The following ANO7 variants were observed in gnomAD, a reference collection of about 807,000 sequenced individuals.
ANO7 encodes the protein anoctamin-7.
A neutral mutation model predicts 115.8 loss-of-function variants in ANO7; 114 were observed. That is an observed-to-expected ratio of 0.98 (90% CI 0.85 to 1.15). The LOEUF (loss-of-function observed/expected upper bound fraction) is 1.15. Among genes scored for constraint, ANO7 ranks in the 50% most tolerant of loss-of-function variants. The probability of loss-of-function intolerance (pLI) is 0.00; values close to 1 mark genes in which losing one functional copy is unlikely to be tolerated. For missense variants in ANO7, 1,302 were observed against 1,201.2 expected (o/e 1.08, Z -1.24); for synonymous variants, 550 against 498.2 (o/e 1.10, Z -1.38).
the ANO7 span, chr2:241,231,006 G>A: frequency 2.0e-6 from 3 of 1,468,168 alleles, no homozygotes; most frequent in Non-Finnish European, 2.8e-6. Context: ...TCAGGGGCAA[G>A]AGCCGGCCCC....
At chr2:241,224,065 T>C (rs1197284798) in intron 24 of ANO7, 32 bp from the exon 25 acceptor site, 1 of 1,613,592 alleles carries the variant, frequency 6.2e-7, no homozygotes, top group Non-Finnish European at 8.5e-7. Context: ...GGCCCTAGTC[T>C]GACTTGTCCC....
At chr2:241,210,167 G>A in intron 13 of ANO7, 128 bp from the exon 14 acceptor site, 1 of 866,260 alleles carries the variant, frequency 1.2e-6, no homozygotes, top group Admixed American at 1.9e-5. Flanking sequence ...CTGGAGGCAG[G>A]GGCCTTCCTA....
At chr2:241,193,314 C>T (rs1280092186) in intron 3 of ANO7, among the ~76,000 whole-genome samples, 3 of 152,140 alleles carry the variant, frequency 2.0e-5, no homozygotes, top group Non-Finnish European at 1.5e-5. Context: ...AGGTGATCCG[C>T]CCGCCTTGGC....
rs113393302 is a variant in ANO7, at chr2:241,209,021, C to T, written c.1078-264C>T. On this transcript the variant is annotated intron_variant, in intron 11 of 24. Transcript: ENST00000674324. ...AAATTTAGCCGGGCGTGGTGGCGGG[C>T]GCCTGTAGTCCCAGCTACTTGGGAG... Among the ~76,000 whole-genome samples the T allele has an allele frequency of 2.3e-3, 351 of 152,268 alleles. 1 individual carries two copies. Among genetic ancestry groups the T allele is most frequent in the Non-Finnish European group, 4.1e-3 (277 of 68,032 alleles).
At chr2:241,189,918 T>C (rs1423947053) in intron 1 of ANO7, 139 bp from the exon 2 acceptor site, 3 of 629,900 alleles carry the variant, frequency 4.8e-6, no homozygotes, top group Non-Finnish European at 2.7e-6. Context: ...CAGGAGAGTC[T>C]GCCGAGCCAG....
At chr2:241,195,191 G>A (rs980712753) in intron 3 of ANO7, among the ~76,000 whole-genome samples, 16 of 152,216 alleles carry the variant, frequency 1.1e-4, no homozygotes, top group Admixed American at 4.6e-4. Flanking sequence ...CCTCCCTGTC[G>A]TTTGGGAAAT....
intron 3 of ANO7, 47 bp downstream of exon 3, chr2:241,191,298 G>A: frequency 6.2e-7 from 1 of 1,607,930 alleles, no homozygotes; most frequent in Non-Finnish European, 8.5e-7. Context: ...GGTCCTGAGG[G>A]TGGGGACACC....
chr2:241,216,613 C>T (rs1025718453), intron 19 of ANO7, among the ~76,000 whole-genome samples: 2 of 152,348 alleles, frequency 1.3e-5, no homozygotes, highest in East Asian at 1.9e-4. Context: ...TGGGAGGCAG[C>T]GGCCTGGAGA....
chr2:241,220,928 G>A (rs921232272), intron 21 of ANO7, among the ~76,000 whole-genome samples: 7 of 151,352 alleles, frequency 4.6e-5, no homozygotes, highest in African/African-American at 7.3e-5. Flanking sequence ...CCGAGATGGC[G>A]CCACTGCACT....
At chr2:241,214,103 G>A (rs1269268927) in intron 17 of ANO7, among the ~76,000 whole-genome samples, 4 of 152,082 alleles carry the variant, frequency 2.6e-5, no homozygotes, top group Admixed American at 2.6e-4. Flanking sequence ...TGGCCAATAT[G>A]GTGAAATCCC....
At chr2:241,191,109 C>T (rs1342324655) in intron 2 of ANO7, 85 bp from the exon 3 acceptor site, 12 of 1,370,238 alleles carry the variant, frequency 8.8e-6, no homozygotes, top group Admixed American at 3.7e-5. Context: ...GAGGCGAGGA[C>T]GGCTTCAGGG....
the ANO7 span, chr2:241,235,033 G>C: frequency 6.7e-7 from 1 of 1,502,790 alleles, no homozygotes; most frequent in African/African-American, 1.4e-5. Flanking sequence ...TGGGATGCTG[G>C]GATCCTGAAG....
At chr2:241,216,057 G>A in intron 18 of ANO7, 36 bp from the exon 19 acceptor site, 1 of 1,576,440 alleles carries the variant, frequency 6.3e-7, no homozygotes, top group South Asian at 1.2e-5. Flanking sequence ...GACCCATGTT[G>A]GATCAAAGGC....
rs982549632 is a variant in ANO7 at position 241,188,889 on chromosome 2, C to T, written c.-8+123C>T. 2 of 1,305,358 alleles carry T rather than the reference C, an allele frequency of 1.5e-6. No individual in the cohort carries two copies. The highest frequency in any genetic ancestry group is 2.1e-6 in the Non-Finnish European group (2 of 967,580). 80.9% of individuals were successfully genotyped at this position (1,305,358 alleles called of 1,614,324 possible). ...CACCCTGGCCTGTGGGGAGGCAGTG[C>T]CAGGGCCCGCCCTGGTCCCCAAAGC... On this transcript the variant is annotated intron_variant, in intron 1 of 24. Transcript: ENST00000674324. The surrounding 1 kb of genome is among the most constrained non-coding windows in gnomAD (Gnocchi z 4.3).
intron 21 of ANO7, among the ~76,000 whole-genome samples, chr2:241,222,163 G>A (rs2149275386): frequency 6.6e-6 from 1 of 152,140 alleles, no homozygotes; most frequent in East Asian, 1.9e-4. Context: ...GAACCCAGGA[G>A]GCGGAGGTTG....
Position 241,212,572 on chromosome 2 carries a change from G to A in ANO7, c.1674G>A (p.Arg558=), listed in dbSNP as rs111624461. The change falls in exon 17 of 25, where the codon AGG becomes AGA. Residue 558 remains arginine (R), a splice_region_variant and synonymous_variant. Transcript: ENST00000674324. ...SPVYIAFFKG[R]FVGYPGNYHT... ...GCTCATGATCTTGACTTTCTCCTAG[G>A]TTTGTGGGATACCCAGGCAACTACC... 167 of 1,613,122 alleles carry A rather than the reference G, an allele frequency of 1.0e-4. 1 individual carries two copies. The African/African-American group carries it at 1.8e-3, about 18-fold the overall frequency.
At chr2:241,195,982 CA>C in intron 4 of ANO7, 137 bp downstream of exon 4, 1 of 1,556,236 alleles carries the variant, frequency 6.4e-7, no homozygotes, top group Non-Finnish European at 8.7e-7. Flanking sequence ...CTGGACCCCC[CA>C]GCCACCGTGA....
rs375270696 is a variant in ANO7 at position 241,199,440 on chromosome 2, G to A, written c.417+17G>A. 21 of 1,612,386 alleles carry A rather than the reference G, an allele frequency of 1.3e-5. No homozygotes were observed. In the African/African-American group the frequency reaches 2.7e-4, roughly 20 times the overall value. ...CCCTTGCAGGTACGTGGGAGGCATGGGGACAGGGTGGGCCTGGAGGTCCCG... is the reference window on the plus strand; with the variant it reads ...CCCTTGCAGGTACGTGGGAGGCATGAGGACAGGGTGGGCCTGGAGGTCCCG... On this transcript the variant is annotated intron_variant, in intron 5 of 24. Coordinates refer to ENST00000674324, the MANE Select transcript of ANO7 (RefSeq NM_001370694.2).
chr2:241,199,945 C>A, intron 5 of ANO7, 144 bp from the exon 6 acceptor site: 1 of 918,020 alleles, frequency 1.1e-6, no homozygotes, highest in Non-Finnish European at 1.6e-6. Context: ...TCACCTGGGC[C>A]CTCACAGGGT....
Sources: allele counts gnomAD v4.1 joint callset (sites outside exome capture counted in the v4.1 genomes callset), GRCh38; gene constraint gnomAD v4.1.1; non-coding constraint Gnocchi (gnomAD v3.1); transcripts MANE v1.5; gene names NCBI Gene and HGNC (gene_info 2026-07-23, HGNC 2026-07-21).